The following DNAH7 variants were observed in gnomAD, a reference collection of about 807,000 sequenced individuals.
The protein encoded by DNAH7 is axonemal beta dynein heavy chain 7.
In DNAH7, 397 loss-of-function variants were observed where a neutral mutation model predicts 444.6. The observed-to-expected ratio is 0.89, with a 90% confidence interval of 0.82 to 0.97. The LOEUF (loss-of-function observed/expected upper bound fraction) is 0.97. Ranked by LOEUF, DNAH7 falls within the 50% of genes least tolerant of loss-of-function variation. The pLI is 0.00. For synonymous variants in DNAH7, 1,636 were observed against 1,624.4 expected, an observed-to-expected ratio of 1.01 and a Z score of -0.17; for missense variants, 4,902 against 4,800.8, an observed-to-expected ratio of 1.02 and a Z score of -0.62.
At chr2:195,950,156 T>C (rs575366366) in intron 19 of DNAH7, among the ~76,000 whole-genome samples, 30 of 152,322 alleles carry the variant, frequency 2.0e-4, no homozygotes, top group African/African-American at 7.2e-4. Context: ...TTCTATTCTT[T>C]GGAACAGTTT....
At chr2:196,025,045 A>G (rs1695599072) in intron 7 of DNAH7, among the ~76,000 whole-genome samples, 1 of 152,248 alleles carries the variant, frequency 6.6e-6, no homozygotes, top group Admixed American at 6.5e-5. Flanking sequence ...ATGAGGTAGT[A>G]TAAGAAATCT....
chr2:195,853,178 C>T (rs1324899034), intron 46 of DNAH7, among the ~76,000 whole-genome samples, 165 bp downstream of exon 46: 1 of 151,906 alleles, frequency 6.6e-6, no homozygotes, highest in Non-Finnish European at 1.5e-5. Flanking sequence ...TTTGGCTAAC[C>T]AGCTAATTTA....
intron 30 of DNAH7, chr2:195,894,531 G>A (rs1015629986): frequency 6.6e-6 from 1 of 152,372 alleles, no homozygotes. Context: ...CAATCAAAAT[G>A]TGATGTGTAT....
intron 9 of DNAH7, among the ~76,000 whole-genome samples, chr2:196,013,458 T>C (rs887764075): frequency 3.3e-5 from 5 of 152,212 alleles, no homozygotes; most frequent in African/African-American, 4.8e-5. Context: ...ATCTTTGTTA[T>C]ACACACGGTT....
chr2:195,813,944 G>T (rs1280474703), intron 51 of DNAH7, among the ~76,000 whole-genome samples: 2 of 152,146 alleles, frequency 1.3e-5, no homozygotes, highest in African/African-American at 4.8e-5. Context: ...CAAGATATCA[G>T]ACACAAAAAA....
In DNAH7 at chr2:195,926,406, G is replaced by T; in HGVS notation, c.3612+20C>A. 1 of 1,479,078 alleles carries T rather than the reference G, an allele frequency of 6.8e-7. No individual in the cohort carries two copies. Among genetic ancestry groups the T allele is most frequent in the East Asian group, 2.6e-5 (1 of 38,836 alleles). The allele number at this position is 1,479,078 out of a possible 1,614,324, so 91.6% of individuals were successfully genotyped here. A position where few individuals can be genotyped will look rare whatever the true frequency, so the allele number is the denominator to read the frequency against. On this transcript the variant is annotated intron_variant, in intron 22 of 64. Transcript: ENST00000312428. ...ATTGAAAAAATGCTTAAAAAAACCC[G>T]AGGGTTAATAAAACCTTACCTTTAT...
intron 15 of DNAH7, among the ~76,000 whole-genome samples, chr2:195,980,124 C>T (rs1303864328): frequency 6.7e-6 from 1 of 149,932 alleles, no homozygotes; most frequent in African/African-American, 2.5e-5. Flanking sequence ...GTGTCCCCAC[C>T]CAAATCTCAT....
At chr2:195,893,190 T>C (rs1290709868) in intron 30 of DNAH7, 1 of 151,698 alleles carries the variant, frequency 6.6e-6, no homozygotes, top group Non-Finnish European at 1.5e-5. Flanking sequence ...GCTCAAGTGA[T>C]CCGCCTGCCT....
chr2:195,949,569 C>T (rs1172614713), intron 19 of DNAH7, among the ~76,000 whole-genome samples: 2 of 152,188 alleles, frequency 1.3e-5, no homozygotes, highest in African/African-American at 4.8e-5. Flanking sequence ...CAGGCATGAG[C>T]CACAGCGCCT....
chr2:195,982,180 T>C (rs1328214732), intron 15 of DNAH7, among the ~76,000 whole-genome samples: 3 of 151,976 alleles, frequency 2.0e-5, no homozygotes, highest in South Asian at 4.1e-4. Flanking sequence ...ATTATCTGAA[T>C]AGATATTTTT....
In DNAH7 at chr2:195,834,275, A is replaced by G; in HGVS notation, c.9031T>C (p.Tyr3011His). Residue 3011 changes from tyrosine to histidine, a missense_variant, in exon 48 of 65, where the codon TAT becomes CAT. Physicochemically the swap from Tyr to His is moderately conservative, Grantham distance 83 (BLOSUM62 2). Coordinates refer to ENST00000312428, the MANE Select transcript of DNAH7 (RefSeq NM_018897.3). Reference protein sequence around the residue: ...IKNMEKANSLYVIKLSEPDYV... With the variant: ...IKNMEKANSLHVIKLSEPDYV... ...TCAGGTTCACTAAGTTTAATCACAT[A>G]AAGACTATTGGCTTTTTCCATGTTC... 1 of 1,609,708 alleles carries G rather than the reference A, an allele frequency of 6.2e-7. No individual in the cohort carries two copies. The highest frequency in any genetic ancestry group is 8.5e-7 in the Non-Finnish European group (1 of 1,176,388).
chr2:195,815,996 C>T (rs1456526179), intron 51 of DNAH7, among the ~76,000 whole-genome samples: 1 of 151,960 alleles, frequency 6.6e-6, no homozygotes, highest in Non-Finnish European at 1.5e-5. Context: ...CGTCTCAAAA[C>T]AAAACAAAAC....
chr2:196,025,694 T>C (rs1011342927), intron 7 of DNAH7, among the ~76,000 whole-genome samples: 3 of 152,220 alleles, frequency 2.0e-5, no homozygotes, highest in Non-Finnish European at 2.9e-5. Context: ...TTTGGACTTA[T>C]TACTTTGCTT....
intron 51 of DNAH7, among the ~76,000 whole-genome samples, chr2:195,815,718 C>A (rs1200492136): frequency 6.6e-6 from 1 of 152,182 alleles, no homozygotes; most frequent in African/African-American, 2.4e-5. Context: ...AAAAACATGT[C>A]TTGGCCGGGC....
chr2:195,997,405 G>A (rs1000114982), intron 12 of DNAH7, among the ~76,000 whole-genome samples: 3 of 151,994 alleles, frequency 2.0e-5, no homozygotes, highest in South Asian at 2.1e-4. Context: ...CCAGCTACTC[G>A]CGGGGAGGCT....
intron 24 of DNAH7, among the ~76,000 whole-genome samples, chr2:195,918,330 T>A (rs1687812658): frequency 6.6e-6 from 1 of 151,970 alleles, no homozygotes; most frequent in Admixed American, 6.6e-5. Flanking sequence ...GCAAATGGAG[T>A]TCCAAAGTAT....
chr2:195,856,764 C>T (rs1330627215), intron 44 of DNAH7, among the ~76,000 whole-genome samples: 1 of 152,202 alleles, frequency 6.6e-6, no homozygotes, highest in Admixed American at 6.5e-5. Flanking sequence ...CCTGACGACA[C>T]TTGCCCCTTT....
chr2:196,005,914 A>AACACACAC (rs3052597), intron 10 of DNAH7, among the ~76,000 whole-genome samples: 1 of 150,000 alleles, frequency 6.7e-6, no homozygotes, highest in African/African-American at 2.4e-5. Context: ...ACAAAGACAT[A>AACACACAC]ACACACACAC....
chr2:196,057,535 T>C (rs905433508), intron 2 of DNAH7, among the ~76,000 whole-genome samples: 2 of 152,182 alleles, frequency 1.3e-5, no homozygotes, highest in Non-Finnish European at 2.9e-5. Context: ...CTTGGTATTA[T>C]TAATATGAAT....
Sources: allele counts gnomAD v4.1 joint callset (sites outside exome capture counted in the v4.1 genomes callset), GRCh38; gene constraint gnomAD v4.1.1; transcripts MANE v1.5; gene names NCBI Gene and HGNC (gene_info 2026-07-23, HGNC 2026-07-21).